The following FILIP1 variants were observed in gnomAD, a reference collection of about 807,000 sequenced individuals.
FILIP1 encodes the protein filamin A interacting protein 1, also known as filamin-A-interacting protein 1.
In FILIP1, 61 loss-of-function variants were observed where a neutral mutation model predicts 102.1. That is an observed-to-expected ratio of 0.60 (90% CI 0.49 to 0.74). The LOEUF (loss-of-function observed/expected upper bound fraction) is 0.74. Ranked by LOEUF, FILIP1 falls within the 30% of genes least tolerant of loss-of-function variation. The probability of loss-of-function intolerance (pLI) is 0.00; values close to 1 mark genes in which losing one functional copy is unlikely to be tolerated. For synonymous variants in FILIP1, 491 were observed against 526.9 expected (o/e 0.93, Z 0.93); for missense variants, 1,314 against 1,441.2 (o/e 0.91, Z 1.43).
At chr6:75,444,803 T>C (rs535890107) in intron 1 of FILIP1, among the ~76,000 whole-genome samples, 2 of 152,306 alleles carry the variant, frequency 1.3e-5, no homozygotes, top group African/African-American at 4.8e-5. Flanking sequence ...TATATGTGTA[T>C]TTGTAGAGAA....
Position 75,476,863 on chromosome 6 carries a change from C to T in FILIP1, c.-7+16551G>A, listed in dbSNP as rs565792273. Among the ~76,000 whole-genome samples the T allele has an allele frequency of 2.6e-5, 4 of 152,264 alleles. No homozygotes were observed. In the East Asian group the frequency reaches 5.8e-4, roughly 22 times the overall value. On this transcript the variant is annotated intron_variant, in intron 1 of 5. Coordinates refer to ENST00000237172, the MANE Select transcript of FILIP1 (RefSeq NM_015687.5). ...AGTCATGACAGACCATCTTTCTGCTCCCTAGTGTCTGGTTTGATCTCACTG... is the reference window on the plus strand; with the variant it reads ...AGTCATGACAGACCATCTTTCTGCTTCCTAGTGTCTGGTTTGATCTCACTG...
At chr6:75,302,379 C>T (rs917042043) in intron 6 of FILIP1, among the ~76,000 whole-genome samples, 1 of 152,176 alleles carries the variant, frequency 6.6e-6, no homozygotes, top group Non-Finnish European at 1.5e-5. Context: ...AGAAACAGCT[C>T]TTTCTTGCCC....
chr6:75,343,046 A>G (rs1774466737), intron 4 of FILIP1, among the ~76,000 whole-genome samples: 1 of 152,154 alleles, frequency 6.6e-6, no homozygotes. Flanking sequence ...GACTTTAAGG[A>G]GGTAATTCAG....
At chr6:75,486,228 G>C (rs532338482) in intron 1 of FILIP1, among the ~76,000 whole-genome samples, 17 of 152,248 alleles carry the variant, frequency 1.1e-4, no homozygotes, top group Non-Finnish European at 2.1e-4. Flanking sequence ...CAAAGGAGGT[G>C]GTACAAAATC....
chr6:75,325,371 G>A lies in FILIP1; in HGVS notation c.630-10169C>T, dbSNP rs565738661. On this transcript the variant is annotated intron_variant, in intron 4 of 5. Transcript: ENST00000237172. ...TGGGAGGTGGAGGCTGCAGTAAGCCGAGATTGCGCCACTGCACTCCAGCCT... is the reference window on the plus strand; with the variant it reads ...TGGGAGGTGGAGGCTGCAGTAAGCCAAGATTGCGCCACTGCACTCCAGCCT... 2.0e-4 allele frequency among the ~76,000 whole-genome samples: 31 copies of A among 152,272 alleles called. No homozygotes were observed. The South Asian group carries it at 6.2e-3, about 31-fold the overall frequency.
downstream of FILIP1, among the ~76,000 whole-genome samples, chr6:75,306,493 AGTAACACTAAATACT>A (rs2149538365): frequency 6.6e-6 from 1 of 152,378 alleles, no homozygotes; most frequent in East Asian, 1.9e-4. Flanking sequence ...GTTATGGTAC[AGTAACACTAAATACT>A]TCACAAATGT....
intron 1 of FILIP1, among the ~76,000 whole-genome samples, chr6:75,425,002 TTG>T (rs1777584002): frequency 6.6e-6 from 1 of 152,138 alleles, no homozygotes; most frequent in Non-Finnish European, 1.5e-5. Flanking sequence ...TGAACTCAAG[TTG>T]TGTCTTTTTT....
At chr6:75,322,049 T>C (rs1194604873) in intron 4 of FILIP1, among the ~76,000 whole-genome samples, 1 of 152,170 alleles carries the variant, frequency 6.6e-6, no homozygotes, top group Non-Finnish European at 1.5e-5. Context: ...GGCTTGTGTC[T>C]CACTTTATCC....
Position 75,308,432 on chromosome 6 carries a change from T to C in FILIP1, c.*259A>G. On this transcript the variant is annotated 3_prime_UTR_variant, in exon 6 of 6. Coordinates refer to ENST00000237172, the MANE Select transcript of FILIP1 (RefSeq NM_015687.5). ...AGGCTCAGATGGGTCTATTGATGGG[T>C]CCACTTGCTAGAAGCAAAACTGGAA... 1 of 1,273,906 alleles carries C rather than the reference T, an allele frequency of 7.8e-7. No homozygotes were observed. Among genetic ancestry groups the C allele is most frequent in the East Asian group, 3.6e-5 (1 of 27,880 alleles). The allele number at this position is 1,273,906 out of a possible 1,614,324, so 78.9% of individuals were successfully genotyped here.
chr6:75,364,463 T>G (rs1775266484), intron 2 of FILIP1, among the ~76,000 whole-genome samples: 1 of 152,222 alleles, frequency 6.6e-6, no homozygotes, highest in African/African-American at 2.4e-5. Context: ...GTACAAGGCA[T>G]AACTCCCAAT....
chr6:75,472,999 A>AT (rs892855229), intron 1 of FILIP1, among the ~76,000 whole-genome samples: 4 of 152,094 alleles, frequency 2.6e-5, no homozygotes, highest in African/African-American at 9.7e-5. Context: ...CTATTTCAAT[A>AT]TTTTTCTACC....
chr6:75,418,070 C>T (rs951559269), intron 1 of FILIP1, among the ~76,000 whole-genome samples: 6 of 152,088 alleles, frequency 3.9e-5, no homozygotes, highest in African/African-American at 7.2e-5. Flanking sequence ...TGGTGGCGTG[C>T]GCCTGTAATC....
At chr6:75,328,346 A>G (rs1391418535) in intron 4 of FILIP1, among the ~76,000 whole-genome samples, 1 of 152,222 alleles carries the variant, frequency 6.6e-6, no homozygotes, top group Admixed American at 6.5e-5. Flanking sequence ...TTATATCAAA[A>G]TAATTCAGGG....
intron 2 of FILIP1, among the ~76,000 whole-genome samples, chr6:75,391,518 C>T (rs760023483): frequency 6.6e-6 from 1 of 152,108 alleles, no homozygotes; most frequent in Non-Finnish European, 1.5e-5. Context: ...TCCACTATCT[C>T]TTATCACTTT....
chr6:75,372,652 A>AGAAAGAAG, intron 2 of FILIP1, among the ~76,000 whole-genome samples: 1 of 67,104 alleles, frequency 1.5e-5, no homozygotes, highest in Non-Finnish European at 2.8e-5. Context: ...AAAGAAAGAA[A>AGAAAGAAG]GAAAGAAAGA....
intron 1 of FILIP1, among the ~76,000 whole-genome samples, chr6:75,492,678 T>C (rs1339781352): frequency 6.6e-6 from 1 of 152,174 alleles, no homozygotes; most frequent in Non-Finnish European, 1.5e-5. Context: ...CACACACACA[T>C]GCAACTTAAC....
At chr6:75,296,503 T>TTAC (rs1772683656) in intron 6 of FILIP1, 1 of 147,114 alleles carries the variant, frequency 6.8e-6, no homozygotes, top group East Asian at 2.0e-4. Flanking sequence ...ATTATTATTA[T>TTAC]TATTATTATT....
chr6:75,328,353 A>AG (rs930700309), intron 4 of FILIP1, among the ~76,000 whole-genome samples: 1 of 152,210 alleles, frequency 6.6e-6, no homozygotes, highest in African/African-American at 2.4e-5. Context: ...AAAATAATTC[A>AG]GGGGGGTGAA....
chr6:75,486,278 C>T (rs1318101712), intron 1 of FILIP1, among the ~76,000 whole-genome samples: 1 of 152,106 alleles, frequency 6.6e-6, no homozygotes, highest in Non-Finnish European at 1.5e-5. Context: ...ATCAACCCAG[C>T]GTGTAGAAAC....
Sources: allele counts gnomAD v4.1 joint callset (sites outside exome capture counted in the v4.1 genomes callset), GRCh38; gene constraint gnomAD v4.1.1; transcripts MANE v1.5; gene names NCBI Gene and HGNC (gene_info 2026-07-23, HGNC 2026-07-21).